CDHR2: variants seen among roughly 807,000 people sequenced by gnomAD.
CDHR2 encodes cadherin-related family member 2.
A neutral mutation model predicts 138.6 loss-of-function variants in CDHR2; 104 were observed. The observed-to-expected ratio is 0.75, with a 90% CI of 0.64 to 0.88. The LOEUF is 0.88. Ranked by LOEUF, CDHR2 falls within the 40% of genes least tolerant of loss-of-function variation. CDHR2 has a pLI of 0.00. For missense variants in CDHR2, 1,624 were observed against 1,727.6 expected (o/e 0.94, Z 1.06); for synonymous variants, 755 against 742.8 (o/e 1.02, Z -0.27).
chr5:176,590,700 T>G lies in CDHR2; in HGVS notation c.3539+13T>G, dbSNP rs1229266986. The stretch of plus-strand genomic sequence containing the variant: ...GTGTGCGGAAGAGGTGCGGCTCCCA[T>G]TGCCCCCGTGTCTCCAACCTTCACC... On this transcript the variant is annotated intron_variant, in intron 28 of 31. Coordinates refer to ENST00000261944, the MANE Select transcript of CDHR2 (RefSeq NM_017675.6). 6.2e-7 allele frequency: 1 copy of G among 1,612,328 alleles called. No individual in the cohort carries two copies. Among genetic ancestry groups the G allele is most frequent in the Non-Finnish European group, 8.5e-7 (1 of 1,179,962 alleles).
At chr5:176,561,185 G>A (rs1485261745) in intron 1 of CDHR2, among the ~76,000 whole-genome samples, 1 of 152,234 alleles carries the variant, frequency 6.6e-6, no homozygotes, top group Non-Finnish European at 1.5e-5. Flanking sequence ...AACCCCTGGT[G>A]TAGGTGCTGT....
intron 3 of CDHR2, among the ~76,000 whole-genome samples, chr5:176,567,538 C>T (rs951207500): frequency 2.6e-5 from 4 of 152,102 alleles, no homozygotes; most frequent in African/African-American, 9.7e-5. Flanking sequence ...GTCACCCAGG[C>T]TGGAGTGCAG....
intron 21 of CDHR2, among the ~76,000 whole-genome samples, chr5:176,588,730 A>AGG (rs1235072916): frequency 6.6e-6 from 1 of 150,680 alleles, no homozygotes; most frequent in Non-Finnish European, 1.5e-5. Context: ...TGTGTGAGAG[A>AGG]GAGAGAGAGT....
In CDHR2 at chr5:176,574,115, G is replaced by C; in HGVS notation, c.438G>C (p.Val146=). The C allele has an allele frequency of 6.2e-7, 1 of 1,614,104 alleles. No individual in the cohort carries two copies. The change falls in exon 7 of 32, where the codon GTG becomes GTC. Residue 146 remains valine, a synonymous_variant. Transcript: ENST00000261944. ...TLPVGSVVFS[V]LAVDKDMGSA... ...CCGTGGGCAGTGTGGTGTTCTCCGT[G>C]CTGGCCGTGGATAAAGACATGGGGT...
intron 3 of CDHR2, 75 bp from the exon 4 acceptor site, chr5:176,568,603 C>T: frequency 3.9e-6 from 6 of 1,548,792 alleles, no homozygotes; most frequent in Non-Finnish European, 5.3e-6. Context: ...CCCAGCCCAG[C>T]CTCACAGCCA....
chr5:176,565,392 C>G lies in CDHR2; in HGVS notation c.40C>G (p.Leu14Val), dbSNP rs774606495. 1.2e-6 allele frequency: 2 copies of G among 1,614,074 alleles called. No individual in the cohort carries two copies. The highest frequency in any genetic ancestry group is 1.1e-5 in the South Asian group (1 of 91,080). Reference protein sequence around the residue: ...LWLSCFLLPALVVSVAANVAP... With the variant: ...LWLSCFLLPAVVVSVAANVAP... ...GCTGTCCTGCTTCCTCCTTCCTGCC[C>G]TCGTGGTGTCTGGTAGGTGTCTCCC... Residue 14 changes from leucine (L) to valine (V), a missense_variant, in exon 2 of 32, where the codon CTC becomes GTC. Leu to Val is a conservative substitution (Grantham distance 32). Coordinates refer to ENST00000261944, the MANE Select transcript of CDHR2 (RefSeq NM_017675.6).
In CDHR2 at chr5:176,576,488, T is replaced by TG. The variant is rs1191974205; in HGVS notation, c.1194+306dup. On this transcript the variant is annotated intron_variant, in intron 12 of 31. Transcript: ENST00000261944. The surrounding 1 kb of genome is among the most constrained non-coding windows in gnomAD (Gnocchi z 4.5). ...GGTGGCTGGCGAGGTCTCCTGGCAT[T>TG]GGGCGGCCATGATTTGGGTAGTCCT... Among the ~76,000 whole-genome samples, 6 of 151,592 alleles carry TG rather than the reference T, an allele frequency of 4.0e-5. No individual in the cohort carries two copies. The highest frequency in any genetic ancestry group is 5.9e-5 in the Non-Finnish European group (4 of 67,898).
In CDHR2 at chr5:176,595,590, T is replaced by A; in HGVS notation, c.3851T>A (p.Leu1284Gln). ...GATCCAGAGCCCCTGAGCGTGGTCCTGTTAGGACGGCAGGCAGGCGCAAGT... is the reference window on the plus strand; with the variant it reads ...GATCCAGAGCCCCTGAGCGTGGTCCAGTTAGGACGGCAGGCAGGCGCAAGT... The part of the protein sequence containing the change: ...EPDPEPLSVV[L>Q]LGRQAGASGQ... The change falls in exon 32 of 32, where the codon CTG becomes CAG. Residue 1284 changes from leucine (L) to glutamine (Q), a missense_variant. This residue lies in a region of CDHR2 where 556 missense variants were observed against 565.7 expected (regional missense o/e 0.98). Coordinates refer to ENST00000261944, the MANE Select transcript of CDHR2 (RefSeq NM_017675.6). The A allele has an allele frequency of 6.2e-7, 1 of 1,612,992 alleles. No individual in the cohort carries two copies. The highest frequency in any genetic ancestry group is 8.5e-7 in the Non-Finnish European group (1 of 1,179,382).
intron 1 of CDHR2, among the ~76,000 whole-genome samples, chr5:176,562,503 C>T (rs1349676840): frequency 4.6e-5 from 7 of 152,006 alleles, no homozygotes; most frequent in Non-Finnish European, 8.8e-5. Flanking sequence ...CATCAGGGCT[C>T]GGCTCTGGAA....
At chr5:176,555,120 G>T (rs1179715293) in intron 1 of CDHR2, among the ~76,000 whole-genome samples, 2 of 152,226 alleles carry the variant, frequency 1.3e-5, no homozygotes, top group Non-Finnish European at 2.9e-5. Flanking sequence ...TGTGTTTCAT[G>T]TTACGGTCAC....
At chr5:176,563,001 G>A (rs2113274067) in intron 1 of CDHR2, among the ~76,000 whole-genome samples, 1 of 152,256 alleles carries the variant, frequency 6.6e-6, no homozygotes, top group Middle Eastern at 3.4e-3. Context: ...GTCTGTGGTT[G>A]GTGGGCTCTT....
intron 13 of CDHR2, 31 bp downstream of exon 13, chr5:176,577,585 A>T (rs899579702): frequency 6.2e-7 from 1 of 1,613,754 alleles, no homozygotes; most frequent in Non-Finnish European, 8.5e-7. Flanking sequence ...CCAGGGGCAG[A>T]AGCCGAGGGG....
chr5:176,586,579 C>T, intron 20 of CDHR2: 1 of 554,464 alleles, frequency 1.8e-6, no homozygotes, highest in Non-Finnish European at 3.2e-6. Context: ...TCCATTTCCG[C>T]ATGGTCCTGT....
At chr5:176,583,468 A>G (rs1758572705) in intron 17 of CDHR2, among the ~76,000 whole-genome samples, 1 of 152,190 alleles carries the variant, frequency 6.6e-6, no homozygotes. Flanking sequence ...AACACCTGTT[A>G]TGTGACCCAC....
rs570872907 is a variant in CDHR2 at position 176,577,968 on chromosome 5, G to A, written c.1513-66G>A. Reference sequence around the variant, plus strand: ...GGAAGCACGACAGCTCTGTCCCCACGAGCTGCATGGGTGGCGGTGCGTGCA... The same window carrying A: ...GGAAGCACGACAGCTCTGTCCCCACAAGCTGCATGGGTGGCGGTGCGTGCA... On this transcript the variant is annotated intron_variant, in intron 14 of 31. Transcript: ENST00000261944. The A allele has an allele frequency of 2.1e-5, 32 of 1,543,058 alleles. No homozygotes were observed. The African/African-American group carries it at 3.0e-4, about 14-fold the overall frequency.
Position 176,551,882 on chromosome 5 carries a change from T to G in CDHR2, c.-16+2468T>G, listed in dbSNP as rs78550923. ...ACGCCTGGCTAATATTTTTTTTTTTTTTGGGGAACTTTTAGTAGAGACGGC... is the reference window on the plus strand; with the variant it reads ...ACGCCTGGCTAATATTTTTTTTTTTGTTGGGGAACTTTTAGTAGAGACGGC... On this transcript the variant is annotated intron_variant, in intron 1 of 31. Coordinates refer to ENST00000261944, the MANE Select transcript of CDHR2 (RefSeq NM_017675.6). Among the ~76,000 whole-genome samples the G allele has an allele frequency of 1.7e-4, 17 of 98,566 alleles. No individual in the cohort carries two copies. The East Asian group carries it at 7.4e-3, about 43-fold the overall frequency. The allele number at this position is 98,566 out of a possible 152,430, so 64.7% of individuals were successfully genotyped here.
chr5:176,561,641 CTTT>C (rs397772792), intron 1 of CDHR2, among the ~76,000 whole-genome samples: 2 of 130,358 alleles, frequency 1.5e-5, no homozygotes. Context: ...GAGTTGGGTT[CTTT>C]TTTTTTTTTT....
At position 176,584,783 on chromosome 5, in the gene CDHR2, G is replaced by A. The variant is rs372836518; in HGVS notation, c.2502G>A (p.Ser834=). 1.3e-5 allele frequency: 21 copies of A among 1,614,090 alleles called. No homozygotes were observed. The highest frequency in any genetic ancestry group is 8.3e-5 in the Admixed American group (5 of 60,004). The change falls in exon 19 of 32, where the codon TCG becomes TCA. Residue 834 remains serine (S), a synonymous_variant. Coordinates refer to ENST00000261944, the MANE Select transcript of CDHR2 (RefSeq NM_017675.6). ...QHGQVAVVVA[S]DVDTSAQLEI... is the part of the protein sequence containing the mutation. ...GCCAGGTGGCTGTGGTGGTTGCCTC[G>A]GATGTGGACACCAGTGCCCAGCTGG...
At chr5:176,545,885 G>A (rs1757575457), upstream of CDHR2, among the ~76,000 whole-genome samples, 1 of 152,244 alleles carries the variant, frequency 6.6e-6, no homozygotes, top group Non-Finnish European at 1.5e-5. Flanking sequence ...CTCGAGATGG[G>A]CAGGGCACCA....
Sources: allele counts gnomAD v4.1 joint callset (sites outside exome capture counted in the v4.1 genomes callset), GRCh38; gene constraint gnomAD v4.1.1; regional missense constraint gnomAD v4.1.1; non-coding constraint Gnocchi (gnomAD v3.1); transcripts MANE v1.5; gene names NCBI Gene and HGNC (gene_info 2026-07-23, HGNC 2026-07-21).